CNTN5: variants seen among roughly 807,000 people sequenced by gnomAD.
The protein encoded by CNTN5 is contactin-5.
A neutral mutation model predicts 129.1 loss-of-function variants in CNTN5; 77 were observed. The ratio of observed to expected loss-of-function variants is 0.60; its 90% CI spans 0.50 to 0.72. The LOEUF (loss-of-function observed/expected upper bound fraction) is 0.72. Among genes scored for constraint, CNTN5 ranks in the 30% least tolerant of loss-of-function variants. The pLI, the probability that CNTN5 is intolerant of heterozygous loss-of-function variation, is 0.00. For missense variants in CNTN5, 1,478 were observed against 1,328.8 expected (o/e 1.11, Z -1.75); for synonymous variants, 509 against 465.6 (o/e 1.09, Z -1.20).
intron 3 of CNTN5, among the ~76,000 whole-genome samples, chr11:99,686,978 G>T (rs1252647275): frequency 6.6e-6 from 1 of 152,028 alleles, no homozygotes; most frequent in Non-Finnish European, 1.5e-5. Flanking sequence ...AATTATTTCT[G>T]CTCAGACTCT....
At chr11:99,858,386 A>G (rs978865656) in intron 6 of CNTN5, among the ~76,000 whole-genome samples, 3 of 152,098 alleles carry the variant, frequency 2.0e-5, no homozygotes, top group African/African-American at 7.2e-5. Context: ...CAGTCATTAA[A>G]TTACCAAAAT....
At chr11:100,164,275 G>T (rs987325310) in intron 13 of CNTN5, among the ~76,000 whole-genome samples, 1 of 151,806 alleles carries the variant, frequency 6.6e-6, no homozygotes, top group Non-Finnish European at 1.5e-5. Context: ...AAAGTGTATA[G>T]TTAATAATGT....
At chr11:99,942,252 G>T (rs1950456090) in intron 7 of CNTN5, among the ~76,000 whole-genome samples, 1 of 152,014 alleles carries the variant, frequency 6.6e-6, no homozygotes, top group Non-Finnish European at 1.5e-5. Context: ...ATCTGGTAGG[G>T]AAGATGATGC....
intron 6 of CNTN5, among the ~76,000 whole-genome samples, chr11:99,889,565 C>T (rs940894288): frequency 7.1e-5 from 9 of 127,532 alleles, no homozygotes; most frequent in Admixed American, 1.8e-4. Flanking sequence ...GATTGAGTTT[C>T]ACTCTTGTTG....
intron 18 of CNTN5, among the ~76,000 whole-genome samples, chr11:100,273,090 C>A (rs1255275126): frequency 6.6e-6 from 1 of 152,144 alleles, no homozygotes; most frequent in Non-Finnish European, 1.5e-5. Flanking sequence ...ACCTAAGCAA[C>A]ACCTTAGTCT....
Position 99,325,382 on chromosome 11 carries a change from A to T in CNTN5, c.-173A>T, listed in dbSNP as rs572056770. Reference sequence around the variant, plus strand: ...GGATTGCCATTTAATGCCATTCAAGATCTACTAAGCATCATTTTTGCATGA... The same window carrying T: ...GGATTGCCATTTAATGCCATTCAAGTTCTACTAAGCATCATTTTTGCATGA... On this transcript the variant is annotated 5_prime_UTR_variant, in exon 2 of 25. Coordinates refer to ENST00000524871, the MANE Select transcript of CNTN5 (RefSeq NM_014361.4). 2 of 152,178 alleles carry T rather than the reference A, an allele frequency of 1.3e-5. No homozygotes were observed. Among genetic ancestry groups the T allele is most frequent in the Non-Finnish European group, 2.9e-5 (2 of 68,032 alleles). The allele number at this position is 152,178 out of a possible 1,614,324, so 9.4% of individuals were successfully genotyped here. A position where few individuals can be genotyped will look rare whatever the true frequency, so the allele number is the denominator to read the frequency against.
At chr11:100,014,036 T>A (rs978342480) in intron 9 of CNTN5, among the ~76,000 whole-genome samples, 1 of 152,172 alleles carries the variant, frequency 6.6e-6, no homozygotes, top group Admixed American at 6.6e-5. Flanking sequence ...AAAGATCAAT[T>A]TAGAACTTCA....
intron 1 of CNTN5, among the ~76,000 whole-genome samples, chr11:99,035,106 C>G (rs557946740): frequency 0.034 from 5,141 of 150,556 alleles, 282 homozygotes; most frequent in African/African-American, 0.12. Flanking sequence ...ATCCTGAGTT[C>G]TAGTTTGATT....
In CNTN5 at chr11:99,625,222, T is replaced by A. The variant is rs141020790; in HGVS notation, c.55+68953T>A. 4.1e-4 allele frequency among the ~76,000 whole-genome samples: 63 copies of A among 152,336 alleles called. 1 individual carries two copies. The highest frequency in any genetic ancestry group is 1.4e-3 in the African/African-American group (58 of 41,590). ...TGTTTGTCCCAAATCCATTTCTTGT[T>A]TGGCTTTTCTACTGAATGATGAGAA... On this transcript the variant is annotated intron_variant, in intron 3 of 24. Coordinates refer to ENST00000524871, the MANE Select transcript of CNTN5 (RefSeq NM_014361.4).
intron 3 of CNTN5, among the ~76,000 whole-genome samples, chr11:99,664,206 A>G (rs1952701920): frequency 6.6e-6 from 1 of 152,172 alleles, no homozygotes; most frequent in Non-Finnish European, 1.5e-5. Flanking sequence ...GGAGTTTTCA[A>G]AATCTTTATG....
At chr11:99,139,101 ACCCC>A (rs113293616) in intron 1 of CNTN5, among the ~76,000 whole-genome samples, 24 of 129,072 alleles carry the variant, frequency 1.9e-4, no homozygotes, top group Non-Finnish European at 3.0e-4. Context: ...CCCCCTCCCC[ACCCC>A]CCCCCCCCAA....
chr11:99,383,622 A>C lies in CNTN5; in HGVS notation c.-71+58138A>C, dbSNP rs370883690. On this transcript the variant is annotated intron_variant, in intron 2 of 24. Coordinates refer to ENST00000524871, the MANE Select transcript of CNTN5 (RefSeq NM_014361.4). The stretch of plus-strand genomic sequence containing the variant: ...TTTTTTTTTTTTCTTTTGGCATTAA[A>C]CTCACATAACTATAGAAATTATGTT... 2.6e-5 allele frequency among the ~76,000 whole-genome samples: 4 copies of C among 151,972 alleles called. No homozygotes were observed. The South Asian group carries it at 6.2e-4, about 24-fold the overall frequency.
At chr11:100,236,999 C>G (rs889864863) in intron 16 of CNTN5, among the ~76,000 whole-genome samples, 5 of 151,930 alleles carry the variant, frequency 3.3e-5, no homozygotes, top group African/African-American at 7.3e-5. Context: ...ACAATCCTGG[C>G]TAACACAGTG....
chr11:99,076,431 A>G (rs1042726181), intron 1 of CNTN5, among the ~76,000 whole-genome samples: 6 of 152,086 alleles, frequency 3.9e-5, no homozygotes, highest in Non-Finnish European at 7.4e-5. Context: ...CCAAATATAT[A>G]GAAACATGAA....
intron 2 of CNTN5, among the ~76,000 whole-genome samples, chr11:99,542,733 T>G (rs1357359066): frequency 6.6e-6 from 1 of 152,192 alleles, no homozygotes; most frequent in African/African-American, 2.4e-5. Context: ...GAGCCAAGAT[T>G]GCCTATTAGA....
intron 13 of CNTN5, among the ~76,000 whole-genome samples, chr11:100,109,281 C>A (rs756468480): frequency 6.6e-6 from 1 of 152,204 alleles, no homozygotes; most frequent in East Asian, 1.9e-4. Context: ...CAAAAATTAG[C>A]CAGGCGTGTT....
intron 1 of CNTN5, among the ~76,000 whole-genome samples, chr11:99,310,369 A>ATT: frequency 6.6e-6 from 1 of 152,192 alleles, no homozygotes. Flanking sequence ...GACATTTATA[A>ATT]TAGTATTATT....
Position 99,234,747 on chromosome 11 carries a change from ATAAT to A in CNTN5, c.-209-90594_-209-90591del, listed in dbSNP as rs754833877. On this transcript the variant is annotated intron_variant, in intron 1 of 24. Transcript: ENST00000524871. ...ATAATGTAAATTTTAAATAACAATGATAATTAATAAATAATAAAAGTAAATAAAT... is the reference window on the plus strand; with the variant it reads ...ATAATGTAAATTTTAAATAACAATGATAATAAATAATAAAAGTAAATAAAT... Among the ~76,000 whole-genome samples the A allele has an allele frequency of 7.2e-5, 11 of 152,030 alleles. No individual in the cohort carries two copies. The South Asian group carries it at 8.3e-4, about 11-fold the overall frequency.
intron 8 of CNTN5, among the ~76,000 whole-genome samples, chr11:99,990,444 A>C (rs1220368690): frequency 1.5e-5 from 1 of 66,816 alleles, no homozygotes; most frequent in African/African-American, 4.2e-5. Flanking sequence ...TATTTTTAGA[A>C]TATATATATA....
Sources: allele counts gnomAD v4.1 joint callset (sites outside exome capture counted in the v4.1 genomes callset), GRCh38; gene constraint gnomAD v4.1.1; transcripts MANE v1.5; gene names NCBI Gene and HGNC (gene_info 2026-07-23, HGNC 2026-07-21).